The following LHFPL2 variants were observed in gnomAD, a reference collection of about 807,000 sequenced individuals.
The protein encoded by LHFPL2 is LHFPL tetraspan subfamily member 2.
Under a neutral mutation model 17.5 loss-of-function variants are expected in LHFPL2, and 7 were observed. That is an observed-to-expected ratio of 0.40 (90% CI 0.23 to 0.75). The LOEUF (loss-of-function observed/expected upper bound fraction) is 0.75. Among genes scored for constraint, LHFPL2 ranks in the 30% least tolerant of loss-of-function variants. The pLI, the probability that LHFPL2 is intolerant of heterozygous loss-of-function variation, is 0.37. For missense variants in LHFPL2, 241 were observed against 294.8 expected (o/e 0.82, Z 1.34); for synonymous variants, 134 against 116.2 (o/e 1.15, Z -0.99).
At chr5:78,601,368 C>A (rs1008953143) in intron 2 of LHFPL2, among the ~76,000 whole-genome samples, 1 of 152,098 alleles carries the variant, frequency 6.6e-6, no homozygotes, top group African/African-American at 2.4e-5. Context: ...CAGACAGTAC[C>A]AAGAATGTAC....
intron 3 of LHFPL2, among the ~76,000 whole-genome samples, chr5:78,519,016 T>C (rs1755369882): frequency 6.6e-6 from 1 of 150,712 alleles, no homozygotes; most frequent in Non-Finnish European, 1.5e-5. Flanking sequence ...CTCACCTGTA[T>C]GGGCTGCTAA....
intron 2 of LHFPL2, among the ~76,000 whole-genome samples, chr5:78,599,604 GC>G (rs1743942781): frequency 6.6e-6 from 1 of 151,890 alleles, no homozygotes; most frequent in Non-Finnish European, 1.5e-5. Flanking sequence ...ACTACACCCA[GC>G]CCCTACTTCT....
chr5:78,570,495 G>A (rs1334850173), intron 2 of LHFPL2, among the ~76,000 whole-genome samples: 1 of 152,034 alleles, frequency 6.6e-6, no homozygotes, highest in African/African-American at 2.4e-5. Flanking sequence ...CTATTGTAGG[G>A]TAGCCCTAGA....
At chr5:78,630,647 C>T (rs111259520) in intron 2 of LHFPL2, among the ~76,000 whole-genome samples, 6,428 of 151,980 alleles carry the variant, frequency 0.042, 444 homozygotes, top group African/African-American at 0.15. Flanking sequence ...GAAGAAACCA[C>T]GGGGAAGTGA....
intron 4 of LHFPL2, among the ~76,000 whole-genome samples, chr5:78,493,025 C>G (rs370891626): frequency 3.9e-5 from 6 of 152,232 alleles, no homozygotes; most frequent in African/African-American, 1.4e-4. Flanking sequence ...GCTCTGCCCT[C>G]TATGATCCCT....
At chr5:78,587,619 G>T (rs1743464628) in intron 2 of LHFPL2, among the ~76,000 whole-genome samples, 1 of 152,198 alleles carries the variant, frequency 6.6e-6, no homozygotes, top group Non-Finnish European at 1.5e-5. Context: ...ACAATTGTTT[G>T]CAAAGGCCAT....
chr5:78,640,939 C>T (rs1483519794), intron 1 of LHFPL2, among the ~76,000 whole-genome samples: 1 of 152,150 alleles, frequency 6.6e-6, no homozygotes, highest in African/African-American at 2.4e-5. Context: ...CACCAGTAGC[C>T]CTTGAGGGCC....
At chr5:78,580,825 T>C (rs1478131534) in intron 2 of LHFPL2, among the ~76,000 whole-genome samples, 1 of 152,052 alleles carries the variant, frequency 6.6e-6, no homozygotes, top group East Asian at 1.9e-4. Flanking sequence ...GACTTAGCGA[T>C]GCGGGCTCTT....
intron 1 of LHFPL2, among the ~76,000 whole-genome samples, chr5:78,635,594 A>G (rs988485267): frequency 6.6e-6 from 1 of 152,236 alleles, no homozygotes; most frequent in Non-Finnish European, 1.5e-5. Flanking sequence ...CGAGGTCAGG[A>G]GATCGAGACC....
At chr5:78,537,673 T>C (rs1371815511) in intron 3 of LHFPL2, among the ~76,000 whole-genome samples, 1 of 152,146 alleles carries the variant, frequency 6.6e-6, no homozygotes, top group Non-Finnish European at 1.5e-5. Context: ...AACAGAACAC[T>C]AACATGTGCA....
chr5:78,616,431 C>T (rs1245823547), intron 2 of LHFPL2, among the ~76,000 whole-genome samples: 2 of 152,052 alleles, frequency 1.3e-5, no homozygotes, highest in Non-Finnish European at 2.9e-5. Flanking sequence ...CCATCCTCTT[C>T]CCAGGTTTTC....
At chr5:78,525,467 G>A (rs1460928890) in intron 3 of LHFPL2, among the ~76,000 whole-genome samples, 4 of 152,168 alleles carry the variant, frequency 2.6e-5, no homozygotes, top group Admixed American at 2.6e-4. Context: ...AAAATGAATT[G>A]AGCAGGTCAT....
intron 2 of LHFPL2, among the ~76,000 whole-genome samples, chr5:78,614,720 G>GA (rs1214526294): frequency 1.6e-4 from 24 of 151,736 alleles, no homozygotes; most frequent in Admixed American, 6.6e-5. Flanking sequence ...AAAAAATTTA[G>GA]AAAAAAAAGT....
chr5:78,596,382 C>T (rs1169824428), intron 2 of LHFPL2, among the ~76,000 whole-genome samples: 3 of 152,188 alleles, frequency 2.0e-5, no homozygotes, highest in Admixed American at 2.0e-4. Flanking sequence ...AAGAGTAAAG[C>T]ATGCAGGCAT....
intron 2 of LHFPL2, among the ~76,000 whole-genome samples, chr5:78,590,358 T>C (rs1743584689): frequency 6.6e-6 from 1 of 152,246 alleles, no homozygotes; most frequent in Non-Finnish European, 1.5e-5. Context: ...CTTTATACTG[T>C]ACCTAGAACT....
intron 3 of LHFPL2, among the ~76,000 whole-genome samples, chr5:78,532,629 A>G (rs962082415): frequency 1.3e-5 from 2 of 152,218 alleles, no homozygotes; most frequent in African/African-American, 4.8e-5. Flanking sequence ...AATAACTGAT[A>G]CATGCAGTTC....
At chr5:78,632,902 G>C (rs928865108) in intron 1 of LHFPL2, among the ~76,000 whole-genome samples, 2 of 152,164 alleles carry the variant, frequency 1.3e-5, no homozygotes, top group African/African-American at 4.8e-5. Flanking sequence ...GGCCAAACTA[G>C]AGGGCAAGCA....
chr5:78,501,108 C>T (rs553215584), intron 4 of LHFPL2, among the ~76,000 whole-genome samples: 1 of 152,238 alleles, frequency 6.6e-6, no homozygotes, highest in South Asian at 2.1e-4. Context: ...TATTCTAAAA[C>T]AGTGGTTCCT....
intron 3 of LHFPL2, among the ~76,000 whole-genome samples, chr5:78,515,919 T>C (rs1398367453): frequency 6.6e-6 from 1 of 152,200 alleles, no homozygotes; most frequent in African/African-American, 2.4e-5. Flanking sequence ...CAGCTCATGA[T>C]GCCTCCCAGG....
Sources: gnomAD v4.1 joint callset for allele counts (sites outside exome capture counted in the v4.1 genomes callset) on GRCh38, gnomAD v4.1.1 for gene constraint, MANE v1.5 for transcripts, NCBI Gene and HGNC (gene_info 2026-07-23, HGNC 2026-07-21) for gene names.